The following CCDC192 variants were observed in gnomAD, a reference collection of about 807,000 sequenced individuals.
CCDC192 encodes the protein coiled-coil domain-containing protein 192.
intron 5 of CCDC192, among the ~76,000 whole-genome samples, chr5:127,806,065 T>G (rs1296823465): frequency 6.6e-6 from 1 of 152,222 alleles, no homozygotes; most frequent in Non-Finnish European, 1.5e-5. Flanking sequence ...TCCTGCCCAG[T>G]TAGATGTGGT....
intron 5 of CCDC192, among the ~76,000 whole-genome samples, chr5:127,872,451 T>C (rs1381008831): frequency 6.6e-6 from 1 of 152,188 alleles, no homozygotes; most frequent in Middle Eastern, 3.2e-3. Flanking sequence ...GGCTGAGATG[T>C]CCATTTACTC....
At chr5:127,717,928 C>CAAAA in intron 2 of CCDC192, among the ~76,000 whole-genome samples, 4 of 98,064 alleles carry the variant, frequency 4.1e-5, no homozygotes, top group East Asian at 2.9e-4. Context: ...TAAAGCTAGA[C>CAAAA]AAAAAAAAAA....
At chr5:127,763,270 C>T (rs867058459) in intron 3 of CCDC192, among the ~76,000 whole-genome samples, 1 of 152,178 alleles carries the variant, frequency 6.6e-6, no homozygotes, top group South Asian at 2.1e-4. Context: ...TTCCTTCTCC[C>T]ACATTCCCTA....
At chr5:127,907,581 G>C (rs188772342) in intron 6 of CCDC192, among the ~76,000 whole-genome samples, 1 of 152,050 alleles carries the variant, frequency 6.6e-6, no homozygotes, top group African/African-American at 2.4e-5. Context: ...AAATGTTAAA[G>C]TCTGACATCT....
intron 5 of CCDC192, among the ~76,000 whole-genome samples, chr5:127,812,223 A>T (rs1355700648): frequency 6.6e-6 from 1 of 152,244 alleles, no homozygotes; most frequent in Non-Finnish European, 1.5e-5. Context: ...AAACAAAAAA[A>T]TAAAACAACA....
chr5:127,712,096 T>C (rs1208695261), intron 2 of CCDC192, among the ~76,000 whole-genome samples: 1 of 152,146 alleles, frequency 6.6e-6, no homozygotes, highest in Non-Finnish European at 1.5e-5. Flanking sequence ...AACGGAGACA[T>C]ACAGAATGTA....
intron 2 of CCDC192, among the ~76,000 whole-genome samples, chr5:127,709,243 G>GAGAGAGAA (rs1561438779): frequency 1.4e-5 from 2 of 142,696 alleles, no homozygotes; most frequent in African/African-American, 2.6e-5. Context: ...GAGAGAGAGA[G>GAGAGAGAA]AGAGAAATGC....
chr5:127,935,322 A>G (rs1386505816), intron 6 of CCDC192: 1 of 152,238 alleles, frequency 6.6e-6, no homozygotes, highest in Admixed American at 6.5e-5. Flanking sequence ...GCTAGCAACA[A>G]GTATATTTCC....
chr5:127,816,769 AAGTG>A (rs1428375954), intron 5 of CCDC192, among the ~76,000 whole-genome samples: 1 of 152,208 alleles, frequency 6.6e-6, no homozygotes, highest in Admixed American at 6.5e-5. Context: ...TGCTTTGAGA[AAGTG>A]AGGTCTCAAG....
At chr5:127,791,277 AG>A (rs1756852299) in intron 3 of CCDC192, among the ~76,000 whole-genome samples, 1 of 152,246 alleles carries the variant, frequency 6.6e-6, no homozygotes, top group African/African-American at 2.4e-5. Flanking sequence ...AACACTATAA[AG>A]TTATTGCAAT....
At chr5:127,813,858 T>C (rs1217920281) in intron 5 of CCDC192, among the ~76,000 whole-genome samples, 1 of 152,220 alleles carries the variant, frequency 6.6e-6, no homozygotes, top group Non-Finnish European at 1.5e-5. Flanking sequence ...AATATTGTGT[T>C]ATAGGAACTA....
At chr5:127,784,864 C>A in intron 3 of CCDC192, 1 of 454,314 alleles carries the variant, frequency 2.2e-6, no homozygotes, top group Non-Finnish European at 4.4e-6. Context: ...CTTGTTCCTG[C>A]TTCTGTTCAG....
At chr5:127,904,255 C>T (rs1753136766) in intron 6 of CCDC192, among the ~76,000 whole-genome samples, 1 of 152,194 alleles carries the variant, frequency 6.6e-6, no homozygotes, top group Admixed American at 6.5e-5. Flanking sequence ...GACAGCCTTA[C>T]TGTAACCTTG....
intron 2 of CCDC192, among the ~76,000 whole-genome samples, chr5:127,718,277 C>T (rs750327147): frequency 6.6e-6 from 1 of 152,124 alleles, no homozygotes; most frequent in African/African-American, 2.4e-5. Context: ...TTAGAAAACA[C>T]GTGGCACTGA....
At chr5:127,838,104 G>A (rs915295441) in intron 5 of CCDC192, among the ~76,000 whole-genome samples, 1 of 152,128 alleles carries the variant, frequency 6.6e-6, no homozygotes, top group Non-Finnish European at 1.5e-5. Flanking sequence ...TCTCAACCCC[G>A]CATGGGTAAG....
chr5:127,750,142 T>C (rs1754052600), intron 2 of CCDC192, among the ~76,000 whole-genome samples: 1 of 152,236 alleles, frequency 6.6e-6, no homozygotes, highest in Non-Finnish European at 1.5e-5. Context: ...TAGTTATTTC[T>C]TGCCTTCTGC....
chr5:127,739,704 C>A (rs1753285212), intron 2 of CCDC192: 1 of 152,446 alleles, frequency 6.6e-6, no homozygotes, highest in South Asian at 2.1e-4. Flanking sequence ...CAGGTGCCAT[C>A]TGTCACCCCT....
chr5:127,809,100 CT>C (rs1245000641), intron 5 of CCDC192, among the ~76,000 whole-genome samples: 1 of 152,118 alleles, frequency 6.6e-6, no homozygotes, highest in Non-Finnish European at 1.5e-5. Flanking sequence ...GAATGTTAAA[CT>C]TTTGCTGTTC....
intron 6 of CCDC192, among the ~76,000 whole-genome samples, chr5:127,905,642 T>G (rs1561546556): frequency 6.6e-6 from 1 of 152,160 alleles, no homozygotes; most frequent in Admixed American, 6.5e-5. Context: ...CTTACAGCTA[T>G]CAAAAGGTGT....
Sources: allele counts gnomAD v4.1 joint callset (sites outside exome capture counted in the v4.1 genomes callset), GRCh38; gene constraint gnomAD v4.1.1; transcripts MANE v1.5; gene names NCBI Gene and HGNC (gene_info 2026-07-23, HGNC 2026-07-21).